ATAD1: variants seen among roughly 807,000 people sequenced by gnomAD.
ATAD1 encodes the protein ATPase family AAA domain containing 1.
In ATAD1, 18 loss-of-function variants were observed where a neutral mutation model predicts 42.7. The ratio of observed to expected loss-of-function variants is 0.42; its 90% CI spans 0.29 to 0.63. ATAD1 has a LOEUF of 0.63. Ranked by LOEUF, ATAD1 falls within the 20% of genes least tolerant of loss-of-function variation. ATAD1 has a pLI of 0.19. For missense variants in ATAD1, 294 were observed against 440.4 expected, an observed-to-expected ratio of 0.67 and a Z score of 2.98; for synonymous variants, 132 against 143.1, an observed-to-expected ratio of 0.92 and a Z score of 0.55.
chr10:87,840,832 A>G (rs1297226753), intron 1 of ATAD1, among the ~76,000 whole-genome samples: 1 of 152,250 alleles, frequency 6.6e-6, no homozygotes, highest in Non-Finnish European at 1.5e-5. Flanking sequence ...TAGAAAGAAC[A>G]TAACATGACA....
At chr10:87,758,713 C>T (rs1854341847) in intron 8 of ATAD1, among the ~76,000 whole-genome samples, 1 of 151,938 alleles carries the variant, frequency 6.6e-6, no homozygotes, top group African/African-American at 2.4e-5. Flanking sequence ...GATTTTTACT[C>T]AAAATGCATA....
chr10:87,833,212 C>T (rs1189874031), intron 1 of ATAD1: 1 of 152,026 alleles, frequency 6.6e-6, no homozygotes, highest in African/African-American at 2.4e-5. Flanking sequence ...TAAATTCGTA[C>T]CTTAGTATTT....
chr10:87,836,944 C>T (rs1453899452), intron 1 of ATAD1, among the ~76,000 whole-genome samples: 1 of 152,178 alleles, frequency 6.6e-6, no homozygotes, highest in African/African-American at 2.4e-5. Context: ...TTTCCTCTCT[C>T]ATCTCCATTC....
intron 1 of ATAD1, among the ~76,000 whole-genome samples, chr10:87,835,283 G>A (rs886704186): frequency 2.0e-5 from 3 of 151,972 alleles, no homozygotes; most frequent in Non-Finnish European, 4.4e-5. Context: ...TATTTTTGCT[G>A]ATTTTCTGTT....
intron 2 of ATAD1, among the ~76,000 whole-genome samples, chr10:87,807,890 T>A (rs1856997552): frequency 1.3e-5 from 2 of 152,196 alleles, no homozygotes; most frequent in Non-Finnish European, 2.9e-5. Context: ...TCCACATGAA[T>A]TTCAGGAAAA....
At chr10:87,819,281 A>AAAAAAAC (rs1857575382), upstream of ATAD1, 6 of 149,722 alleles carry the variant, frequency 4.0e-5, no homozygotes, top group African/African-American at 1.5e-4. Flanking sequence ...AAAAAAAAAA[A>AAAAAAAC]AAAAAAAAAA....
At chr10:87,800,396 A>C (rs1355976138) in intron 2 of ATAD1, among the ~76,000 whole-genome samples, 1 of 152,078 alleles carries the variant, frequency 6.6e-6, no homozygotes, top group Admixed American at 6.6e-5. Context: ...GCTCATATTA[A>C]GTTTTTTTCC....
intron 2 of ATAD1, among the ~76,000 whole-genome samples, chr10:87,797,909 G>A (rs1012131649): frequency 1.3e-5 from 2 of 152,188 alleles, no homozygotes; most frequent in African/African-American, 2.4e-5. Context: ...GCAGGTAAAT[G>A]ACAGATTGAG....
intron 1 of ATAD1, among the ~76,000 whole-genome samples, chr10:87,824,946 A>G (rs1333906923): frequency 6.6e-6 from 1 of 152,224 alleles, no homozygotes; most frequent in Non-Finnish European, 1.5e-5. Context: ...AGTTTAACGT[A>G]TTTATCGATC....
intron 1 of ATAD1, among the ~76,000 whole-genome samples, chr10:87,833,727 C>CTTTTTTTTTTTTTTTTTTTTTT (rs3033524): frequency 9.9e-6 from 1 of 100,768 alleles, no homozygotes; most frequent in Non-Finnish European, 1.9e-5. Context: ...TCTTTCTTTC[C>CTTTTTTTTTTTTTTTTTTTTTT]TTTTTTTTTT....
At chr10:87,784,770 A>C (rs1855747544) in intron 4 of ATAD1, 100 bp from the exon 5 acceptor site, 2 of 1,087,254 alleles carry the variant, frequency 1.8e-6, no homozygotes, top group Non-Finnish European at 2.6e-6. Context: ...AAACTTTCCC[A>C]ATATTCAATT....
chr10:87,797,386 A>G (rs1410575299), intron 2 of ATAD1, among the ~76,000 whole-genome samples: 1 of 152,244 alleles, frequency 6.6e-6, no homozygotes, highest in Non-Finnish European at 1.5e-5. Flanking sequence ...TGTCTTAAAA[A>G]AACAAATGTT....
intron 5 of ATAD1, among the ~76,000 whole-genome samples, chr10:87,777,972 T>C (rs975549501): frequency 6.6e-6 from 1 of 152,060 alleles, no homozygotes; most frequent in South Asian, 2.1e-4. Flanking sequence ...GAAAAACCAG[T>C]CATTTTAAAA....
At chr10:87,817,917 G>T (rs1451496463) in intron 1 of ATAD1, 111 of 985,530 alleles carry the variant, frequency 1.1e-4, no homozygotes, top group Non-Finnish European at 1.3e-4. Flanking sequence ...ACGAGTCTTG[G>T]GGAAGAGCTA....
chr10:87,807,984 A>G (rs543746227), intron 2 of ATAD1, among the ~76,000 whole-genome samples: 1 of 152,300 alleles, frequency 6.6e-6, no homozygotes, highest in Admixed American at 6.5e-5. Context: ...AATTTTCTCT[A>G]TGAATGTGTT....
rs376402408 is a variant in ATAD1, at chr10:87,786,908, T to C, written c.383-2238A>G. ...AGGCAGAGGTTGCAGTGAGCCGAGA[T>C]TGCGCCATTGCACTCCAGGGTGGGC... On this transcript the variant is annotated intron_variant, in intron 4 of 9. Transcript: ENST00000680024. Among the ~76,000 whole-genome samples, 16 of 151,954 alleles carry C rather than the reference T, an allele frequency of 1.1e-4. No homozygotes were observed. The East Asian group carries it at 1.4e-3, about 13-fold the overall frequency.
chr10:87,785,039 A>C (rs1045358011), intron 4 of ATAD1, among the ~76,000 whole-genome samples: 3 of 152,232 alleles, frequency 2.0e-5, no homozygotes, highest in African/African-American at 4.8e-5. Flanking sequence ...ATATTAGCCT[A>C]CAGAAGGTAA....
At chr10:87,824,300 A>G (rs954180697) in intron 1 of ATAD1, among the ~76,000 whole-genome samples, 1 of 152,172 alleles carries the variant, frequency 6.6e-6, no homozygotes, top group African/African-American at 2.4e-5. Flanking sequence ...TACTGATGAT[A>G]ATTATATGAT....
chr10:87,790,442 T>C lies in ATAD1; in HGVS notation c.262-12A>G, dbSNP rs777435104. On this transcript the variant is annotated splice_polypyrimidine_tract_variant and intron_variant, in intron 3 of 9. Transcript: ENST00000680024. ...TCACTCCAAGTAACCTGGCAAAAGT[T>C]AAGGTCAACATGAATTTTACTACAA... 6 of 1,590,120 alleles carry C rather than the reference T, an allele frequency of 3.8e-6. No homozygotes were observed. The East Asian group carries it at 1.4e-4, about 36-fold the overall frequency.
Sources: gnomAD v4.1 joint callset for allele counts (sites outside exome capture counted in the v4.1 genomes callset) on GRCh38, gnomAD v4.1.1 for gene constraint, MANE v1.5 for transcripts, NCBI Gene and HGNC (gene_info 2026-07-23, HGNC 2026-07-21) for gene names.